The following VPS13B variants were observed in gnomAD, a reference collection of about 807,000 sequenced individuals.
The protein encoded by VPS13B is intermembrane lipid transfer protein VPS13B.
In VPS13B, 285 loss-of-function variants were observed where a neutral mutation model predicts 426.4. That is an observed-to-expected ratio of 0.67 (90% confidence interval 0.61 to 0.74). The LOEUF is 0.74. VPS13B is among the 30% of genes least tolerant of loss of function. VPS13B has a pLI of 0.00. For missense variants in VPS13B, 4,537 were observed against 4,782.6 expected (o/e 0.95, Z 1.51); for synonymous variants, 1,676 against 1,676.4 (o/e 1.00, Z 0.01).
At chr8:99,846,241 C>CT (rs1426015906) in intron 54 of VPS13B, among the ~76,000 whole-genome samples, 1 of 152,208 alleles carries the variant, frequency 6.6e-6, no homozygotes, top group Non-Finnish European at 1.5e-5. Flanking sequence ...GGTGAATACA[C>CT]TGAGAGGGAG....
chr8:99,440,792 G>C (rs1817643966), intron 22 of VPS13B, among the ~76,000 whole-genome samples: 2 of 151,988 alleles, frequency 1.3e-5, no homozygotes, highest in South Asian at 2.1e-4. Context: ...TATGCATGTG[G>C]TTGTGTATGG....
chr8:99,343,097 CTTTTTT>C (rs759780417), intron 19 of VPS13B, among the ~76,000 whole-genome samples: 1 of 142,246 alleles, frequency 7.0e-6, no homozygotes, highest in Non-Finnish European at 1.5e-5. Context: ...ATTTTTCTTT[CTTTTTT>C]TTTTTTTTGA....
At chr8:99,157,129 C>G (rs1811405004) in intron 15 of VPS13B, among the ~76,000 whole-genome samples, 1 of 151,986 alleles carries the variant, frequency 6.6e-6, no homozygotes, top group African/African-American at 2.4e-5. Context: ...TAAAGAGGGC[C>G]TAAAACTTTT....
rs151102647 is a variant in VPS13B at position 99,501,144 on chromosome 8, A to G, written c.3871-543A>G. Among the ~76,000 whole-genome samples, 629 of 152,334 alleles carry G rather than the reference A, an allele frequency of 4.1e-3. 4 individuals carry two copies. Among genetic ancestry groups the G allele is most frequent in the Non-Finnish European group, 5.6e-3 (379 of 68,036 alleles). ...TAATATTTTGCTGTTTCTTAAACTGATAATCACTTTGCTATAGTTATTCTA... is the reference window on the plus strand; with the variant it reads ...TAATATTTTGCTGTTTCTTAAACTGGTAATCACTTTGCTATAGTTATTCTA... On this transcript the variant is annotated intron_variant, in intron 25 of 61. Coordinates refer to ENST00000357162, the MANE Select transcript of VPS13B (RefSeq NM_152564.5).
intron 19 of VPS13B, among the ~76,000 whole-genome samples, chr8:99,284,379 C>T (rs552918230): frequency 3.3e-5 from 5 of 151,926 alleles, no homozygotes; most frequent in African/African-American, 1.2e-4. Flanking sequence ...ATTTTTTGTG[C>T]GTAGAACTAT....
chr8:99,375,357 C>G (rs913128097), intron 19 of VPS13B, among the ~76,000 whole-genome samples: 3 of 152,154 alleles, frequency 2.0e-5, no homozygotes, highest in African/African-American at 7.2e-5. Context: ...GAACTCTGCT[C>G]TGATGAAAGC....
intron 17 of VPS13B, among the ~76,000 whole-genome samples, chr8:99,260,181 T>C (rs1423392352): frequency 1.3e-5 from 2 of 152,020 alleles, no homozygotes; most frequent in Non-Finnish European, 2.9e-5. Context: ...GAATGCAACA[T>C]TGAAAATAGA....
At chr8:99,784,164 C>A (rs1329793548) in intron 42 of VPS13B, 151 bp from the exon 43 acceptor site, 1 of 928,922 alleles carries the variant, frequency 1.1e-6, no homozygotes, top group Admixed American at 1.8e-5. Context: ...GTGTGCTTAT[C>A]CTGGCAGTAT....
intron 50 of VPS13B, 49 bp downstream of exon 50, chr8:99,821,531 T>TAACCTGTCTC: frequency 1.2e-6 from 2 of 1,605,616 alleles, no homozygotes; most frequent in South Asian, 2.2e-5. Flanking sequence ...GCCATCCCCT[T>TAACCTGTCTC]AACCTGTCTA....
intron 54 of VPS13B, among the ~76,000 whole-genome samples, chr8:99,844,640 G>T (rs1420646368): frequency 1.3e-5 from 2 of 152,162 alleles, no homozygotes; most frequent in African/African-American, 4.8e-5. Context: ...GAAGTGCTAA[G>T]ATTACAGGCG....
rs58708195 is a variant in VPS13B at position 99,303,730 on chromosome 8, C to CAAAAAAAAAAAAAAAAAAAA, written c.2824+28478_2824+28497dup. On this transcript the variant is annotated intron_variant, in intron 19 of 61. Transcript: ENST00000357162. Reference sequence around the variant, plus strand: ...GGTGAGACAGAGTGAGACTCCGTCTCAAAAAAAAAAAAAAAAAAAAAGAAT... The same window carrying CAAAAAAAAAAAAAAAAAAAA: ...GGTGAGACAGAGTGAGACTCCGTCTCAAAAAAAAAAAAAAAAAAAAAAAAAAAAAAAAAAAAAAAAAGAAT... 4.7e-5 allele frequency among the ~76,000 whole-genome samples: 3 copies of CAAAAAAAAAAAAAAAAAAAA among 63,714 alleles called. 1 individual carries two copies. The highest frequency in any genetic ancestry group is 2.1e-4 in the African/African-American group (3 of 14,138). 41.8% of individuals were successfully genotyped at this position (63,714 alleles called of 152,430 possible).
Position 99,778,846 on chromosome 8 carries a change from C to A in VPS13B, c.7594C>A (p.Leu2532Ile), listed in dbSNP as rs750397558. The change falls in exon 42 of 62, where the codon CTA becomes ATA. Residue 2532 changes from leucine to isoleucine, a missense_variant. Leu to Ile is a conservative substitution (Grantham distance 5, BLOSUM62 2). Coordinates refer to ENST00000357162, the MANE Select transcript of VPS13B (RefSeq NM_152564.5). Reference sequence around the variant, plus strand: ...CTTAGCTCAAGCAGACTGTAAACTTCTAGAGTGCAGAAATGTCACTATGCA... The same window carrying A: ...CTTAGCTCAAGCAGACTGTAAACTTATAGAGTGCAGAAATGTCACTATGCA... ...QFLAQADCKLLECRNVTMQSV... is the reference protein window; with the variant it reads ...QFLAQADCKLIECRNVTMQSV... 6.2e-7 allele frequency: 1 copy of A among 1,614,042 alleles called. No homozygotes were observed. The highest frequency in any genetic ancestry group is 8.5e-7 in the Non-Finnish European group (1 of 1,179,940).
chr8:99,280,402 A>G (rs1025340719), intron 19 of VPS13B, among the ~76,000 whole-genome samples: 5 of 152,172 alleles, frequency 3.3e-5, no homozygotes, highest in Admixed American at 2.0e-4. Flanking sequence ...ATATTTATAT[A>G]TGTCCTTACC....
At chr8:99,036,257 T>C (rs1309039382) in intron 2 of VPS13B, among the ~76,000 whole-genome samples, 1 of 152,286 alleles carries the variant, frequency 6.6e-6, no homozygotes, top group East Asian at 1.9e-4. Flanking sequence ...ATTTTTGAGA[T>C]ATATTCAACT....
chr8:99,742,129 A>C (rs1809764760), intron 39 of VPS13B, among the ~76,000 whole-genome samples: 1 of 152,234 alleles, frequency 6.6e-6, no homozygotes, highest in South Asian at 2.1e-4. Flanking sequence ...TCAATGAAAA[A>C]TGATGAAGGG....
chr8:99,134,689 G>T lies in VPS13B; in HGVS notation c.1264G>T (p.Glu422Ter). 4 of 1,610,494 alleles carry T rather than the reference G, an allele frequency of 2.5e-6. No individual in the cohort carries two copies. The highest frequency in any genetic ancestry group is 1.7e-6 in the Non-Finnish European group (2 of 1,178,108). The change falls in exon 9 of 62, where the codon GAA becomes TAA. Residue 422 changes from glutamate to a stop codon, truncating the protein, a stop_gained. Coordinates refer to ENST00000357162, the MANE Select transcript of VPS13B (RefSeq NM_152564.5). LOFTEE classifies it high-confidence loss of function. The part of the protein sequence containing the change: ...YYSPQKVKSK[E>*]VLCWEQEGTT... ...CAGTCCACAGAAAGTAAAATCTAAA[G>T]AAGTATTGTGTTGGGAACAAGAAGG...
chr8:99,867,256 A>G (rs1047678777), intron 58 of VPS13B, among the ~76,000 whole-genome samples: 4 of 152,166 alleles, frequency 2.6e-5, no homozygotes, highest in Admixed American at 1.3e-4. Flanking sequence ...ATCACGAAAA[A>G]AAAATCAGAA....
At chr8:99,468,794 A>G (rs1485725821) in intron 24 of VPS13B, among the ~76,000 whole-genome samples, 4 of 152,194 alleles carry the variant, frequency 2.6e-5, no homozygotes, top group Admixed American at 6.5e-5. Context: ...TAAATGTTTT[A>G]CATTTTACTA....
intron 4 of VPS13B, among the ~76,000 whole-genome samples, chr8:99,099,834 G>A (rs886868746): frequency 6.6e-6 from 1 of 152,188 alleles, no homozygotes; most frequent in Non-Finnish European, 1.5e-5. Context: ...TTGGAAGAAG[G>A]GGTTATATGA....
Sources: gnomAD v4.1 joint callset for allele counts (sites outside exome capture counted in the v4.1 genomes callset) on GRCh38, gnomAD v4.1.1 for gene constraint, MANE v1.5 for transcripts, NCBI Gene and HGNC (gene_info 2026-07-23, HGNC 2026-07-21) for gene names.